The following IGF1R variants were observed in gnomAD, a reference collection of about 807,000 sequenced individuals.
IGF1R encodes the protein insulin-like growth factor 1 receptor.
IGF1R carries 44 observed loss-of-function variants against 144.6 expected under a neutral mutation model. That is an observed-to-expected ratio of 0.30 (90% CI 0.24 to 0.39). The LOEUF is 0.39. Among genes scored for constraint, IGF1R ranks in the 10% least tolerant of loss-of-function variants. IGF1R has a pLI of 1.00. For missense variants in IGF1R, 1,355 were observed against 1,833.7 expected (o/e 0.74, Z 4.77); for synonymous variants, 795 against 722.8 (o/e 1.10, Z -1.60).
At chr15:98,768,393 G>A (rs1476410952) in intron 2 of IGF1R, among the ~76,000 whole-genome samples, 11 of 151,602 alleles carry the variant, frequency 7.3e-5, no homozygotes. Context: ...GAGGCGGGTG[G>A]ATCATGCTGT....
chr15:98,870,279 C>G (rs2012715488), intron 2 of IGF1R, among the ~76,000 whole-genome samples: 1 of 152,180 alleles, frequency 6.6e-6, no homozygotes, highest in Admixed American at 6.5e-5. Context: ...TCCACCTAGG[C>G]CCTGGCCAAA....
At chr15:98,841,684 C>T (rs1383460805) in intron 2 of IGF1R, among the ~76,000 whole-genome samples, 1 of 152,220 alleles carries the variant, frequency 6.6e-6, no homozygotes, top group Non-Finnish European at 1.5e-5. Flanking sequence ...AAACAAACAA[C>T]TTGTGGAGGC....
In IGF1R at chr15:98,778,954, T is replaced by C. The variant is rs1203639307; in HGVS notation, c.640+70847T>C. On this transcript the variant is annotated intron_variant, in intron 2 of 20. Coordinates refer to ENST00000650285, the MANE Select transcript of IGF1R (RefSeq NM_000875.5). The stretch of plus-strand genomic sequence containing the variant: ...AGCTGTCTTTCTTCTTATGAATAGA[T>C]ATCCATGAAAAGCAGAAGAGTAGTT... 2.6e-5 allele frequency among the ~76,000 whole-genome samples: 4 copies of C among 152,238 alleles called. No homozygotes were observed. In the East Asian group the frequency reaches 5.8e-4, roughly 22 times the overall value.
At chr15:98,854,050 G>A (rs929404246) in intron 2 of IGF1R, among the ~76,000 whole-genome samples, 1 of 152,186 alleles carries the variant, frequency 6.6e-6, no homozygotes, top group African/African-American at 2.4e-5. Flanking sequence ...AATGCATATC[G>A]TGGTATTATT....
intron 2 of IGF1R, among the ~76,000 whole-genome samples, chr15:98,857,122 G>C (rs1389535938): frequency 2.6e-5 from 4 of 152,128 alleles, no homozygotes; most frequent in Admixed American, 6.5e-5. Flanking sequence ...TTGCTTAGGG[G>C]AAACAGTTGT....
Position 98,852,423 on chromosome 15 carries a change from C to G in IGF1R, c.641-38902C>G, listed in dbSNP as rs150755630. Among the ~76,000 whole-genome samples the G allele has an allele frequency of 4.8e-3, 729 of 152,338 alleles. 8 individuals carry two copies. Among genetic ancestry groups the G allele is most frequent in the African/African-American group, 0.017 (691 of 41,576 alleles). On this transcript the variant is annotated intron_variant, in intron 2 of 20. Transcript: ENST00000650285. ...ATAACACGCCAATCACCAGGGCCCA[C>G]CCTCCCCGCCGGCCAATCGCTGCGT...
At chr15:98,770,413 G>A (rs558413630) in intron 2 of IGF1R, among the ~76,000 whole-genome samples, 1 of 152,238 alleles carries the variant, frequency 6.6e-6, no homozygotes, top group South Asian at 2.1e-4. Flanking sequence ...CTAATAGGGT[G>A]ACTATCGTTA....
chr15:98,823,685 T>C (rs769020673), intron 2 of IGF1R, among the ~76,000 whole-genome samples: 5 of 152,226 alleles, frequency 3.3e-5, no homozygotes, highest in Admixed American at 6.5e-5. Flanking sequence ...GTCAGAGCCA[T>C]GATTTTAAGC....
intron 2 of IGF1R, among the ~76,000 whole-genome samples, chr15:98,826,437 A>G (rs1431556512): frequency 6.6e-6 from 1 of 152,244 alleles, no homozygotes; most frequent in Non-Finnish European, 1.5e-5. Flanking sequence ...AAGCAAAATG[A>G]TATTTAAGTG....
intron 2 of IGF1R, among the ~76,000 whole-genome samples, chr15:98,735,433 C>G (rs1440660211): frequency 1.3e-5 from 2 of 152,250 alleles, no homozygotes; most frequent in Non-Finnish European, 1.5e-5. Context: ...GCATCCCCAC[C>G]TTCAGGTTCA....
Position 98,899,546 on chromosome 15 carries a change from G to T in IGF1R, c.1172G>T (p.Arg391Leu). 6.2e-7 allele frequency: 1 copy of T among 1,614,078 alleles called. No individual in the cohort carries two copies. The change falls in exon 5 of 21, where the codon CGC (arginine) becomes CTC (leucine). Residue 391 changes from arginine (R) to leucine (L), a missense_variant. Arg to Leu is a moderately radical substitution (Grantham distance 102, BLOSUM62 -2). Around this residue, in one of 7 missense-constraint regions of IGF1R, gnomAD observed 880 missense variants for 1,202.7 expected, o/e 0.73. Transcript: ENST00000650285. ...IEVVTGYVKI[R>L]HSHALVSLSF... is the part of the protein sequence containing the mutation. ...GTGGTGACGGGCTACGTGAAGATCCGCCATTCTCATGCCTTGGTCTCCTTG... is the reference window on the plus strand; with the variant it reads ...GTGGTGACGGGCTACGTGAAGATCCTCCATTCTCATGCCTTGGTCTCCTTG...
At chr15:98,867,238 G>A (rs1375570997) in intron 2 of IGF1R, among the ~76,000 whole-genome samples, 1 of 152,044 alleles carries the variant, frequency 6.6e-6, no homozygotes, top group Non-Finnish European at 1.5e-5. Flanking sequence ...CATCAACTTT[G>A]CGCAGCAACA....
intron 1 of IGF1R, among the ~76,000 whole-genome samples, chr15:98,667,652 A>G (rs1038620080): frequency 6.6e-6 from 1 of 152,044 alleles, no homozygotes; most frequent in Admixed American, 6.6e-5. Flanking sequence ...CTGGATTCCA[A>G]AGAAGACTTC....
At chr15:98,886,722 C>A (rs981406447) in intron 2 of IGF1R, among the ~76,000 whole-genome samples, 1 of 152,086 alleles carries the variant, frequency 6.6e-6, no homozygotes, top group Admixed American at 6.6e-5. Flanking sequence ...ACACACTGCC[C>A]GGGGCTTTTC....
At chr15:98,864,113 G>C (rs1034836240) in intron 2 of IGF1R, among the ~76,000 whole-genome samples, 2 of 152,022 alleles carry the variant, frequency 1.3e-5, no homozygotes, top group Admixed American at 6.5e-5. Flanking sequence ...AAATTAGCCT[G>C]TCATGGTAGC....
At chr15:98,708,752 T>C (rs2053925366) in intron 2 of IGF1R, among the ~76,000 whole-genome samples, 1 of 152,212 alleles carries the variant, frequency 6.6e-6, no homozygotes, top group Non-Finnish European at 1.5e-5. Flanking sequence ...TGCAGGTAGC[T>C]GTGTAGCAGG....
chr15:98,833,271 A>G (rs1043696485), intron 2 of IGF1R, among the ~76,000 whole-genome samples: 18 of 152,194 alleles, frequency 1.2e-4, no homozygotes, highest in African/African-American at 4.3e-4. Context: ...GTTAAATTCT[A>G]AAGTGGTGTC....
chr15:98,753,720 G>A (rs368058173), intron 2 of IGF1R, among the ~76,000 whole-genome samples: 4 of 152,046 alleles, frequency 2.6e-5, no homozygotes, highest in East Asian at 1.9e-4. Context: ...AAACCATGGC[G>A]AATTAATGTT....
intron 2 of IGF1R, among the ~76,000 whole-genome samples, chr15:98,869,324 A>ACAC (rs1555454934): frequency 5.9e-5 from 9 of 151,626 alleles, no homozygotes; most frequent in Non-Finnish European, 8.8e-5. Flanking sequence ...ACAAAAAAAA[A>ACAC]CACCACATAC....
Sources: gnomAD v4.1 joint callset for allele counts (sites outside exome capture counted in the v4.1 genomes callset) on GRCh38, gnomAD v4.1.1 for gene constraint, gnomAD v4.1.1 regional missense constraint, MANE v1.5 for transcripts, NCBI Gene and HGNC (gene_info 2026-07-23, HGNC 2026-07-21) for gene names.